The following PITPNC1 variants were observed in gnomAD, a reference collection of about 807,000 sequenced individuals.
PITPNC1 encodes cytoplasmic phosphatidylinositol transfer protein 1.
A neutral mutation model predicts 44.7 loss-of-function variants in PITPNC1; 18 were observed. The observed-to-expected ratio is 0.40, with a 90% CI of 0.28 to 0.60. The LOEUF (loss-of-function observed/expected upper bound fraction) is 0.60, where lower values mean the gene tolerates loss of function less well. Ranked by LOEUF, PITPNC1 falls within the 20% of genes least tolerant of loss-of-function variation. PITPNC1 has a pLI of 0.39. For missense variants in PITPNC1, 290 were observed against 418.4 expected (o/e 0.69, Z 2.68); for synonymous variants, 141 against 149.6 (o/e 0.94, Z 0.42).
rs369624053 is a variant in PITPNC1 at position 67,428,839 on chromosome 17, C to CT, written c.48+50656dup. On this transcript the variant is annotated intron_variant, in intron 1 of 8. Transcript: ENST00000581322. ...TAACCATTTTTTTCTACTTGTCTTG[C>CT]TTTTTTTTTTTTTTTTTTTGAGACG... 3.5e-3 allele frequency among the ~76,000 whole-genome samples: 393 copies of CT among 113,150 alleles called. 20 individuals are homozygous for CT. The highest frequency in any genetic ancestry group is 8.6e-3 in the East Asian group (36 of 4,182). 74.2% of individuals were successfully genotyped at this position (113,150 alleles called of 152,430 possible).
chr17:67,558,174 T>C (rs1677559544), intron 4 of PITPNC1, among the ~76,000 whole-genome samples: 1 of 152,168 alleles, frequency 6.6e-6, no homozygotes, highest in African/African-American at 2.4e-5. Context: ...ACTATCACAA[T>C]TATCAAGACA....
intron 6 of PITPNC1, among the ~76,000 whole-genome samples, chr17:67,666,952 C>T (rs903601099): frequency 2.6e-5 from 4 of 152,226 alleles, no homozygotes; most frequent in African/African-American, 9.6e-5. Context: ...CTCCCAAGCC[C>T]ACCCCTGAGA....
chr17:67,416,075 G>A (rs957595050), intron 1 of PITPNC1, among the ~76,000 whole-genome samples: 2 of 152,046 alleles, frequency 1.3e-5, no homozygotes, highest in African/African-American at 2.4e-5. Flanking sequence ...AGCACGTGGC[G>A]GGTGGCTAAT....
chr17:67,573,643 AC>A (rs2041094419), intron 4 of PITPNC1, among the ~76,000 whole-genome samples: 1 of 139,422 alleles, frequency 7.2e-6, no homozygotes, highest in African/African-American at 2.7e-5. Context: ...GCTCACTACA[AC>A]CCCCGCCTCC....
intron 8 of PITPNC1, among the ~76,000 whole-genome samples, chr17:67,689,912 A>G (rs1759668757): frequency 6.6e-6 from 1 of 152,198 alleles, no homozygotes; most frequent in Non-Finnish European, 1.5e-5. Flanking sequence ...CTCTTTTTAT[A>G]TAACCTTAAT....
At chr17:67,485,982 T>G (rs2039772875) in intron 1 of PITPNC1, among the ~76,000 whole-genome samples, 1 of 152,210 alleles carries the variant, frequency 6.6e-6, no homozygotes, top group South Asian at 2.1e-4. Context: ...TAATTGAATT[T>G]AGAAGCAATA....
chr17:67,609,288 C>CTTT (rs34987217), intron 5 of PITPNC1, among the ~76,000 whole-genome samples: 2 of 114,304 alleles, frequency 1.7e-5, no homozygotes, highest in Non-Finnish European at 3.4e-5. Context: ...CTTCTTCTTC[C>CTTT]TTTTTTTTTT....
At chr17:67,470,388 C>T (rs1256966716) in intron 1 of PITPNC1, among the ~76,000 whole-genome samples, 1 of 152,236 alleles carries the variant, frequency 6.6e-6, no homozygotes, top group East Asian at 1.9e-4. Flanking sequence ...CTGTCAATTA[C>T]TTCTCTCTAC....
intron 1 of PITPNC1, among the ~76,000 whole-genome samples, chr17:67,426,466 G>A (rs1043969612): frequency 6.6e-6 from 1 of 152,158 alleles, no homozygotes; most frequent in Non-Finnish European, 1.5e-5. Flanking sequence ...CAGGAACATG[G>A]ATGAAGCTGG....
chr17:67,437,368 C>T (rs563183703), intron 1 of PITPNC1, among the ~76,000 whole-genome samples: 21 of 152,168 alleles, frequency 1.4e-4, no homozygotes, highest in African/African-American at 4.3e-4. Context: ...GCCCCTTGAA[C>T]ATGGAGGCAG....
chr17:67,402,198 C>G (rs1261083765), intron 1 of PITPNC1, among the ~76,000 whole-genome samples: 1 of 152,180 alleles, frequency 6.6e-6, no homozygotes, highest in African/African-American at 2.4e-5. Context: ...TATTTGTGGA[C>G]ACTGAAATTT....
At chr17:67,564,916 T>G (rs1037994136) in intron 4 of PITPNC1, among the ~76,000 whole-genome samples, 42 of 152,212 alleles carry the variant, frequency 2.8e-4, no homozygotes, top group Admixed American at 7.9e-4. Flanking sequence ...CATGAGAATA[T>G]TTTCCCATGT....
At chr17:67,421,730 G>A (rs961577434) in intron 1 of PITPNC1, among the ~76,000 whole-genome samples, 2 of 152,116 alleles carry the variant, frequency 1.3e-5, no homozygotes, top group African/African-American at 4.8e-5. Context: ...ATTCTTGTGT[G>A]GTCATAGAAA....
At chr17:67,487,754 GC>G (rs1900940608) in intron 1 of PITPNC1, among the ~76,000 whole-genome samples, 1 of 152,178 alleles carries the variant, frequency 6.6e-6, no homozygotes, top group Admixed American at 6.6e-5. Flanking sequence ...TGTTCTGGGG[GC>G]CACTGGTCTG....
intron 1 of PITPNC1, among the ~76,000 whole-genome samples, chr17:67,386,456 G>C (rs552507373): frequency 2.0e-3 from 304 of 152,302 alleles, no homozygotes; most frequent in Non-Finnish European, 3.3e-3. Context: ...GCCTCTCAGA[G>C]TGCTGGGATT....
At position 67,526,477 on chromosome 17, in the gene PITPNC1, C is replaced by T. The variant is rs537673500; in HGVS notation, c.49-6325C>T. ...GGTGTGGTGGCTCATGCCTATAATC[C>T]CAGCACTTTGGGAGGCTGAGGCGGG... On this transcript the variant is annotated intron_variant, in intron 1 of 8. Coordinates refer to ENST00000581322, the MANE Select transcript of PITPNC1 (RefSeq NM_012417.4). 8.5e-5 allele frequency among the ~76,000 whole-genome samples: 13 copies of T among 152,158 alleles called. No homozygotes were observed. In the South Asian group the frequency reaches 2.5e-3, roughly 29 times the overall value.
intron 1 of PITPNC1, chr17:67,379,335 A>G (rs567514840): frequency 2.0e-6 from 2 of 985,372 alleles, no homozygotes; most frequent in Non-Finnish European, 2.4e-6. Flanking sequence ...TGCATAACTG[A>G]GAACATGGCT....
rs34662070 is a variant in PITPNC1 at position 67,429,697 on chromosome 17, C to CAA, written c.48+51507_48+51508dup. Among the ~76,000 whole-genome samples the CAA allele has an allele frequency of 6.1e-3, 887 of 144,556 alleles. 4 individuals carry two copies. Among genetic ancestry groups the CAA allele is most frequent in the African/African-American group, 8.9e-3 (349 of 39,104 alleles). 94.8% of individuals were successfully genotyped at this position (144,556 alleles called of 152,430 possible). The stretch of plus-strand genomic sequence containing the variant: ...TGGATGAAAGAGCAAAACTCTGTTT[C>CAA]AAAAAAAAAAAAACTTACAAAGTAA... On this transcript the variant is annotated intron_variant, in intron 1 of 8. Transcript: ENST00000581322.
intron 5 of PITPNC1, among the ~76,000 whole-genome samples, chr17:67,622,541 A>G (rs558192602): frequency 2.3e-5 from 3 of 130,268 alleles, no homozygotes; most frequent in East Asian, 4.4e-4. Context: ...TTTTACAGCC[A>G]TTAGTGCTTT....
Sources: gnomAD v4.1 joint callset for allele counts (sites outside exome capture counted in the v4.1 genomes callset) on GRCh38, gnomAD v4.1.1 for gene constraint, MANE v1.5 for transcripts, NCBI Gene and HGNC (gene_info 2026-07-23, HGNC 2026-07-21) for gene names.